Variants in BNC2 observed in about 807,000 individuals in gnomAD.
The protein encoded by BNC2 is basonuclin zinc finger protein 2.
In BNC2, 20 loss-of-function variants were observed where a neutral mutation model predicts 76.3. The observed-to-expected ratio is 0.26, with a 90% CI of 0.18 to 0.38. BNC2 has a LOEUF of 0.38. Ranked by LOEUF, BNC2 falls within the 10% of genes least tolerant of loss-of-function variation. BNC2 has a pLI of 1.00. For missense variants in BNC2, 1,382 were observed against 1,399.8 expected (o/e 0.99, Z 0.20); for synonymous variants, 582 against 514.8 (o/e 1.13, Z -1.77).
chr9:16,713,684 T>C (rs1161389960), intron 3 of BNC2, among the ~76,000 whole-genome samples: 1 of 152,122 alleles, frequency 6.6e-6, no homozygotes, highest in African/African-American at 2.4e-5. Flanking sequence ...ATGGAAGGCT[T>C]TCCCCCGCCC....
At position 16,748,489 on chromosome 9, in the gene BNC2, G is replaced by T. The variant is rs541799033; in HGVS notation, c.4-10004C>A. On this transcript the variant is annotated intron_variant, in intron 1 of 6. Coordinates refer to ENST00000380672, the MANE Select transcript of BNC2 (RefSeq NM_017637.6). ...TGAGCGTGCCACTGCACTCCAGCCT[G>T]GGAGACAGAGTGAGACATTGTCTTA... is the stretch of plus-strand genomic sequence containing the variant. Among the ~76,000 whole-genome samples, 7 of 152,190 alleles carry T rather than the reference G, an allele frequency of 4.6e-5. No individual in the cohort carries two copies. In the East Asian group the frequency reaches 1.4e-3, roughly 29 times the overall value.
intron 3 of BNC2, among the ~76,000 whole-genome samples, chr9:16,591,439 C>CA (rs369123629): frequency 5.8e-4 from 89 of 152,158 alleles, no homozygotes; most frequent in African/African-American, 2.0e-3. Flanking sequence ...AAACATCCCA[C>CA]AAAAAAGCTT....
At chr9:16,759,803 C>G (rs922918835) in intron 1 of BNC2, among the ~76,000 whole-genome samples, 2 of 151,622 alleles carry the variant, frequency 1.3e-5, no homozygotes, top group African/African-American at 4.8e-5. Context: ...GGCTCACTGC[C>G]TGCTCCGCCT....
chr9:16,697,460 G>A lies in BNC2; in HGVS notation c.330+30337C>T, dbSNP rs111651811. Among the ~76,000 whole-genome samples, 989 of 152,212 alleles carry A rather than the reference G, an allele frequency of 6.5e-3. 17 individuals carry two copies. Among genetic ancestry groups the A allele is most frequent in the African/African-American group, 0.023 (937 of 41,520 alleles). On this transcript the variant is annotated intron_variant, in intron 3 of 6. Transcript: ENST00000380672. ...GATGTGGCAGGGCACGGTGGCTCAC[G>A]CCTGTAATTCTAGCACTTTGGGAGG... is the stretch of plus-strand genomic sequence containing the variant.
At chr9:16,423,057 A>T (rs1289824497) in intron 6 of BNC2, among the ~76,000 whole-genome samples, 1 of 152,238 alleles carries the variant, frequency 6.6e-6, no homozygotes, top group African/African-American at 2.4e-5. Context: ...AAGGCCAGAG[A>T]GTGCTGGAAA....
chr9:16,659,712 T>C (rs779055654), intron 3 of BNC2, among the ~76,000 whole-genome samples: 18 of 152,118 alleles, frequency 1.2e-4, no homozygotes, highest in Non-Finnish European at 7.4e-5. Context: ...CAGGGCTTGC[T>C]CTCTCATTTT....
intron 1 of BNC2, among the ~76,000 whole-genome samples, chr9:16,746,332 C>A (rs555069100): frequency 3.9e-5 from 6 of 152,106 alleles, no homozygotes; most frequent in Non-Finnish European, 8.8e-5. Flanking sequence ...CCACATTTAA[C>A]CCTATGAATC....
intron 5 of BNC2, 119 bp downstream of exon 5, chr9:16,552,411 A>G (rs1009022008): frequency 1.2e-6 from 1 of 843,030 alleles, no homozygotes; most frequent in Non-Finnish European, 2.0e-6. Context: ...GCCTGCTGAA[A>G]CGACCACTTT....
chr9:16,699,307 C>T, intron 3 of BNC2: 1 of 428,998 alleles, frequency 2.3e-6, no homozygotes, highest in Admixed American at 3.0e-5. Flanking sequence ...CAGAATAGTC[C>T]CTTGATGGAA....
intron 3 of BNC2, among the ~76,000 whole-genome samples, chr9:16,668,199 G>A (rs1335145264): frequency 6.6e-6 from 1 of 152,158 alleles, no homozygotes; most frequent in Non-Finnish European, 1.5e-5. Context: ...TGTTGCCCAG[G>A]CTAGTCTGGA....
At chr9:16,744,738 G>A (rs2135203834) in intron 1 of BNC2, among the ~76,000 whole-genome samples, 1 of 152,314 alleles carries the variant, frequency 6.6e-6, no homozygotes, top group Non-Finnish European at 1.5e-5. Flanking sequence ...TGTCTAGTTT[G>A]TGGCAAGGAG....
In BNC2 at chr9:16,411,583, A is replaced by G. The variant is rs981397820; in HGVS notation, c.*7406T>C. 6.6e-6 allele frequency: 1 copy of G among 152,626 alleles called. No individual in the cohort carries two copies. Among genetic ancestry groups the G allele is most frequent in the African/African-American group, 2.4e-5 (1 of 41,454 alleles). The allele number at this position is 152,626 out of a possible 1,614,324, so 9.5% of individuals were successfully genotyped here. On this transcript the variant is annotated 3_prime_UTR_variant, in exon 7 of 7. Transcript: ENST00000380672. ...TCTGATAAACGATTGTAACATATAC[A>G]TACTGAGGAACTTAAGAAGTATCAT...
At position 16,727,856 on chromosome 9, in the gene BNC2, C is replaced by G. The variant is rs1824390241; in HGVS notation, c.271G>C (p.Gly91Arg). Residue 91 changes from glycine (G) to arginine (R), a missense_variant, in exon 3 of 7, where the codon GGG (glycine) becomes CGG (arginine). Coordinates refer to ENST00000380672, the MANE Select transcript of BNC2 (RefSeq NM_017637.6). ...GCGTTTTGCCATGTCCCCATGAACC[C>G]TGGTTCAGCCGTAGTCGTTCTGGTT... Reference protein sequence around the residue: ...FGTRTTTAEPGFMGTWQNADT... With the variant: ...FGTRTTTAEPRFMGTWQNADT... The G allele has an allele frequency of 4.3e-6, 7 of 1,614,050 alleles. No individual in the cohort carries two copies. The highest frequency in any genetic ancestry group is 5.9e-6 in the Non-Finnish European group (7 of 1,180,040).
rs188773071 is a variant in BNC2 at position 16,798,901 on chromosome 9, G to A, written c.4-60416C>T. 7.2e-5 allele frequency among the ~76,000 whole-genome samples: 11 copies of A among 152,146 alleles called. No individual in the cohort carries two copies. The East Asian group carries it at 2.1e-3, about 29-fold the overall frequency. On this transcript the variant is annotated intron_variant, in intron 1 of 6. Coordinates refer to ENST00000380672, the MANE Select transcript of BNC2 (RefSeq NM_017637.6). ...TGCCACTTAAGCTGTAAACACAATT[G>A]CTGACTTTGGTCACCAGCAAACCCC...
intron 3 of BNC2, among the ~76,000 whole-genome samples, chr9:16,595,184 C>T (rs934542752): frequency 2.0e-5 from 3 of 152,112 alleles, no homozygotes. Context: ...CAGCATTTTA[C>T]TTATACCTGT....
intron 3 of BNC2, among the ~76,000 whole-genome samples, chr9:16,666,563 A>G (rs1822297734): frequency 6.6e-6 from 1 of 152,210 alleles, no homozygotes; most frequent in African/African-American, 2.4e-5. Flanking sequence ...ACAACATCTA[A>G]GCTATCTTGG....
chr9:16,636,699 G>C (rs1189199045), intron 3 of BNC2, among the ~76,000 whole-genome samples: 1 of 152,068 alleles, frequency 6.6e-6, no homozygotes, highest in Non-Finnish European at 1.5e-5. Context: ...AGAACAACAA[G>C]AAAATACCTG....
At chr9:16,544,299 G>C (rs1469753906) in intron 5 of BNC2, among the ~76,000 whole-genome samples, 1 of 151,938 alleles carries the variant, frequency 6.6e-6, no homozygotes, top group East Asian at 1.9e-4. Context: ...TGATCTTTCT[G>C]CTCCAGAAAT....
chr9:16,478,207 A>G (rs996398535), intron 5 of BNC2, among the ~76,000 whole-genome samples: 18 of 152,274 alleles, frequency 1.2e-4, no homozygotes, highest in African/African-American at 4.3e-4. Context: ...TCCACGTGGA[A>G]GCCCTTACAG....
Sources: allele counts gnomAD v4.1 joint callset (sites outside exome capture counted in the v4.1 genomes callset), GRCh38; gene constraint gnomAD v4.1.1; transcripts MANE v1.5; gene names NCBI Gene and HGNC (gene_info 2026-07-23, HGNC 2026-07-21).